VWA8: variants seen among roughly 807,000 people sequenced by gnomAD.
VWA8 encodes von Willebrand factor A domain containing 8.
VWA8 carries 221 observed loss-of-function variants against 241.5 expected under a neutral mutation model. The observed-to-expected ratio is 0.91, with a 90% confidence interval of 0.82 to 1.02. The LOEUF (loss-of-function observed/expected upper bound fraction) is 1.02. Among genes scored for constraint, VWA8 ranks in the 50% least tolerant of loss-of-function variants. VWA8 has a pLI of 0.00. For missense variants in VWA8, 2,322 were observed against 2,328.7 expected (o/e 1.00, Z 0.06); for synonymous variants, 852 against 827.1 (o/e 1.03, Z -0.52).
Position 41,829,932 on chromosome 13 carries a change from TA to T in VWA8, c.1700+596del, listed in dbSNP as rs1178494586. Among the ~76,000 whole-genome samples the T allele has an allele frequency of 3.9e-5, 6 of 152,026 alleles. No individual in the cohort carries two copies. In the South Asian group the frequency reaches 1.3e-3, roughly 32 times the overall value. On this transcript the variant is annotated intron_variant, in intron 14 of 44. Coordinates refer to ENST00000379310, the MANE Select transcript of VWA8 (RefSeq NM_015058.2). The stretch of plus-strand genomic sequence containing the variant: ...ATCTGTGCCCCAAAAACTATTGAAA[TA>T]AAAAATTTTTTTAAAAAAATCACTG...
intron 21 of VWA8, among the ~76,000 whole-genome samples, chr13:41,750,702 C>T (rs2045649492): frequency 6.6e-6 from 1 of 152,096 alleles, no homozygotes; most frequent in Non-Finnish European, 1.5e-5. Context: ...TTGCTGCAAC[C>T]TTGTGCTAAG....
chr13:41,773,141 A>T (rs1261808071), intron 20 of VWA8, among the ~76,000 whole-genome samples: 1 of 152,230 alleles, frequency 6.6e-6, no homozygotes, highest in African/African-American at 2.4e-5. Flanking sequence ...CTTTAAAAAT[A>T]AGTTATGTGA....
intron 6 of VWA8, 63 bp from the exon 7 acceptor site, chr13:41,886,893 G>A (rs1874569369): frequency 7.7e-7 from 1 of 1,302,748 alleles, no homozygotes; most frequent in Admixed American, 2.4e-5. Context: ...AAATGCAAAT[G>A]TTTTGTAGAT....
rs376527099 is a variant in VWA8 at position 41,717,846 on chromosome 13, G to A, written c.3116+1745C>T. On this transcript the variant is annotated intron_variant, in intron 26 of 44. Transcript: ENST00000379310. The stretch of plus-strand genomic sequence containing the variant: ...CTTAAGTCTATTTCTAGCTATATGC[G>A]GTTGGGGGACAACTAGTTGTTTCTA... Among the ~76,000 whole-genome samples the A allele has an allele frequency of 1.5e-4, 23 of 152,100 alleles. No homozygotes were observed. In the East Asian group the frequency reaches 4.0e-3, roughly 27 times the overall value.
chr13:41,885,005 TCTCA>T (rs1278287749), intron 8 of VWA8, among the ~76,000 whole-genome samples: 1 of 152,014 alleles, frequency 6.6e-6, no homozygotes, highest in East Asian at 1.9e-4. Flanking sequence ...CTCCACAGGG[TCTCA>T]CTGAGTGTTA....
chr13:41,592,325 G>A (rs1476620566), intron 40 of VWA8, among the ~76,000 whole-genome samples: 1 of 123,772 alleles, frequency 8.1e-6, no homozygotes, highest in Non-Finnish European at 1.7e-5. Context: ...GTGGGGTGGG[G>A]GGAGGGGGGA....
chr13:41,729,469 TA>T, intron 23 of VWA8, 72 bp downstream of exon 23: 1 of 1,415,680 alleles, frequency 7.1e-7, no homozygotes, highest in Non-Finnish European at 9.4e-7. Context: ...AGTAGGCAGC[TA>T]AGTTTGTGAT....
intron 26 of VWA8, among the ~76,000 whole-genome samples, chr13:41,718,251 C>A (rs2045359539): frequency 6.6e-6 from 1 of 151,624 alleles, no homozygotes; most frequent in African/African-American, 2.4e-5. Context: ...AGGGAGTTTA[C>A]AAAAACGAAG....
At chr13:41,641,892 T>G (rs975577488) in intron 37 of VWA8, among the ~76,000 whole-genome samples, 1 of 152,118 alleles carries the variant, frequency 6.6e-6, no homozygotes, top group Non-Finnish European at 1.5e-5. Flanking sequence ...TTTATATTTC[T>G]AAAACACCAG....
At chr13:41,886,931 A>G in intron 6 of VWA8, 101 bp from the exon 7 acceptor site, 1 of 977,478 alleles carries the variant, frequency 1.0e-6, no homozygotes, top group Admixed American at 2.8e-5. Context: ...TTAAGCAGAC[A>G]CTAAATATTT....
chr13:41,899,897 A>G (rs1346262791), intron 4 of VWA8, among the ~76,000 whole-genome samples: 1 of 152,196 alleles, frequency 6.6e-6, no homozygotes, highest in Admixed American at 6.5e-5. Context: ...CCTCATTTGC[A>G]TAGCATGTAA....
intron 20 of VWA8, among the ~76,000 whole-genome samples, chr13:41,768,977 A>G (rs1424058992): frequency 6.7e-6 from 1 of 148,378 alleles, no homozygotes; most frequent in African/African-American, 2.5e-5. Context: ...ATCTTGGCTC[A>G]CCGCAACCTG....
At chr13:41,877,499 T>C (rs570222567) in intron 9 of VWA8, among the ~76,000 whole-genome samples, 1 of 152,252 alleles carries the variant, frequency 6.6e-6, no homozygotes, top group East Asian at 1.9e-4. Context: ...GAAATCAGAT[T>C]GTATCCATTT....
intron 37 of VWA8, among the ~76,000 whole-genome samples, chr13:41,620,756 A>G (rs996457201): frequency 1.3e-5 from 2 of 152,182 alleles, no homozygotes; most frequent in Non-Finnish European, 2.9e-5. Context: ...GGTGACATTT[A>G]TGTATTCTTT....
intron 26 of VWA8, among the ~76,000 whole-genome samples, chr13:41,713,954 AT>A (rs1234362763): frequency 1.3e-5 from 2 of 152,160 alleles, no homozygotes; most frequent in Middle Eastern, 3.4e-3. Flanking sequence ...TATCTCTTCT[AT>A]TATGTCAAAA....
At chr13:41,758,328 A>T (rs1224373974) in intron 21 of VWA8, among the ~76,000 whole-genome samples, 1 of 140,592 alleles carries the variant, frequency 7.1e-6, no homozygotes, top group Middle Eastern at 4.2e-3. Context: ...TACTACTGTA[A>T]ATAGTATTTT....
chr13:41,828,233 T>A (rs553190608), intron 14 of VWA8, among the ~76,000 whole-genome samples: 7 of 152,300 alleles, frequency 4.6e-5, no homozygotes, highest in African/African-American at 1.7e-4. Flanking sequence ...TTCCAAGAAA[T>A]TTTTTAACAA....
intron 24 of VWA8, among the ~76,000 whole-genome samples, chr13:41,724,557 C>A (rs948888659): frequency 6.6e-6 from 1 of 152,120 alleles, no homozygotes; most frequent in Non-Finnish European, 1.5e-5. Context: ...AGTTTACCTG[C>A]AACAAGTGGG....
chr13:41,593,783 C>T (rs1446373697), intron 40 of VWA8, among the ~76,000 whole-genome samples: 2 of 152,096 alleles, frequency 1.3e-5, no homozygotes, highest in African/African-American at 2.4e-5. Context: ...ACAGACTAGT[C>T]TAGACTGGGA....
Sources: gnomAD v4.1 joint callset for allele counts (sites outside exome capture counted in the v4.1 genomes callset) on GRCh38, gnomAD v4.1.1 for gene constraint, MANE v1.5 for transcripts, NCBI Gene and HGNC (gene_info 2026-07-23, HGNC 2026-07-21) for gene names.